RNFT2: variants seen among roughly 807,000 people sequenced by gnomAD.
RNFT2 encodes the protein E3 ubiquitin-protein ligase RNFT2.
RNFT2 carries 36 observed loss-of-function variants against 53.0 expected under a neutral mutation model. The observed-to-expected ratio is 0.68, with a 90% CI of 0.52 to 0.90. The LOEUF is 0.90. Ranked by LOEUF, RNFT2 falls within the 40% of genes least tolerant of loss-of-function variation. The probability of loss-of-function intolerance (pLI) is 0.00; values close to 1 mark genes in which losing one functional copy is unlikely to be tolerated. For missense variants in RNFT2, 514 were observed against 585.6 expected (o/e 0.88, Z 1.26); for synonymous variants, 260 against 253.2 (o/e 1.03, Z -0.26).
intron 4 of RNFT2, among the ~76,000 whole-genome samples, chr12:116,750,813 TA>T (rs1233022760): frequency 2.0e-4 from 1 of 5,094 alleles, no homozygotes; most frequent in Admixed American, 4.5e-3. Flanking sequence ...ATATATAATA[TA>T]TATATTATAT....
At position 116,779,207 on chromosome 12, in the gene RNFT2, G is replaced by A. The variant is rs199977367; in HGVS notation, c.741G>A (p.Leu247=). ...SQQLYNSLIF[L]KPNLEMLDFF... is the part of the protein sequence containing the mutation. ...ATCCTCCCCCCAGCCTCATATTCCT[G>A]AAGCCCAACCTGGAGATGCTGGACT... is the stretch of plus-strand genomic sequence containing the variant. The change falls in exon 7 of 11, where the codon CTG becomes CTA. Residue 247 remains leucine, a synonymous_variant. Transcript: ENST00000257575. 24 of 1,613,882 alleles carry A rather than the reference G, an allele frequency of 1.5e-5. No individual in the cohort carries two copies. In the East Asian group the frequency reaches 4.9e-4, roughly 33 times the overall value.
intron 7 of RNFT2, among the ~76,000 whole-genome samples, chr12:116,823,624 C>T (rs1876172646): frequency 6.6e-6 from 1 of 152,220 alleles, no homozygotes; most frequent in Non-Finnish European, 1.5e-5. Flanking sequence ...GCGGTGGTTG[C>T]AGTGAGCCGA....
chr12:116,814,620 A>G (rs1875550886), intron 7 of RNFT2, among the ~76,000 whole-genome samples: 3 of 152,122 alleles, frequency 2.0e-5, no homozygotes, highest in African/African-American at 7.2e-5. Flanking sequence ...TTCATGGGCA[A>G]GCACCCTTTG....
At chr12:116,780,510 C>T (rs777150392) in intron 7 of RNFT2, among the ~76,000 whole-genome samples, 1 of 152,054 alleles carries the variant, frequency 6.6e-6, no homozygotes, top group South Asian at 2.1e-4. Context: ...TCCTGCTGTG[C>T]GACCTGGTTC....
chr12:116,798,066 C>T (rs1267256425), intron 7 of RNFT2, among the ~76,000 whole-genome samples: 1 of 152,132 alleles, frequency 6.6e-6, no homozygotes, highest in Admixed American at 6.5e-5. Context: ...CGCCTGCTAC[C>T]TCACTAGGAC....
intron 7 of RNFT2, chr12:116,782,112 C>T: frequency 1.4e-5 from 1 of 71,050 alleles, no homozygotes; most frequent in East Asian, 3.9e-4. Flanking sequence ...ATCATGCCCA[C>T]TTCAGCAGCA....
At chr12:116,761,401 G>T (rs147966690) in intron 5 of RNFT2, among the ~76,000 whole-genome samples, 2,077 of 152,256 alleles carry the variant, frequency 0.014, 16 homozygotes, top group South Asian at 0.032. Flanking sequence ...GCACACCTTG[G>T]CCTCCAAAAG....
At chr12:116,800,685 G>A (rs1009520851) in intron 7 of RNFT2, among the ~76,000 whole-genome samples, 41 of 150,324 alleles carry the variant, frequency 2.7e-4, no homozygotes, top group African/African-American at 8.6e-4. Flanking sequence ...ACTGTGGTGC[G>A]TGCCTGTAAT....
At chr12:116,845,258 AAT>A (rs1555210658) in intron 10 of RNFT2, among the ~76,000 whole-genome samples, 38 of 122,544 alleles carry the variant, frequency 3.1e-4, no homozygotes, top group Admixed American at 7.7e-4. Context: ...AAAAAAAAAA[AAT>A]ATATATATAT....
intron 5 of RNFT2, among the ~76,000 whole-genome samples, chr12:116,757,949 G>T (rs1208960759): frequency 6.6e-6 from 1 of 152,144 alleles, no homozygotes; most frequent in East Asian, 1.9e-4. Flanking sequence ...TTACTATGTT[G>T]CTGTCAATCT....
At chr12:116,760,877 CT>C (rs1202551591) in intron 5 of RNFT2, among the ~76,000 whole-genome samples, 1 of 152,174 alleles carries the variant, frequency 6.6e-6, no homozygotes, top group Non-Finnish European at 1.5e-5. Context: ...AAAACCTCTT[CT>C]TTTATTTCAT....
intron 6 of RNFT2, among the ~76,000 whole-genome samples, chr12:116,777,637 C>T (rs1013358694): frequency 2.6e-5 from 4 of 152,158 alleles, no homozygotes; most frequent in Non-Finnish European, 5.9e-5. Context: ...GTTTCCTCAT[C>T]TGCAAAATGG....
intron 7 of RNFT2, among the ~76,000 whole-genome samples, chr12:116,792,939 G>C (rs538488204): frequency 6.6e-6 from 1 of 152,248 alleles, no homozygotes; most frequent in South Asian, 2.1e-4. Context: ...TGACGTGTGA[G>C]GTTGGGTGAG....
intron 7 of RNFT2, among the ~76,000 whole-genome samples, chr12:116,833,214 C>T (rs1255598596): frequency 6.6e-6 from 1 of 152,156 alleles, no homozygotes; most frequent in Non-Finnish European, 1.5e-5. Context: ...CCACCACACC[C>T]GGCCCCTGTT....
chr12:116,836,322 G>C (rs373867951), intron 10 of RNFT2, 40 bp downstream of exon 10: 10 of 1,511,302 alleles, frequency 6.6e-6, no homozygotes, highest in African/African-American at 5.5e-5. Flanking sequence ...GACCAAGGCT[G>C]GGGGAGAGTA....
At chr12:116,818,557 G>C (rs182057088) in intron 7 of RNFT2, among the ~76,000 whole-genome samples, 15 of 152,316 alleles carry the variant, frequency 9.8e-5, no homozygotes, top group Admixed American at 3.3e-4. Context: ...TGGCAAGTGA[G>C]TTGTGAAGCC....
intron 3 of RNFT2, among the ~76,000 whole-genome samples, chr12:116,747,675 G>A (rs1320804337): frequency 6.6e-6 from 1 of 152,122 alleles, no homozygotes; most frequent in Non-Finnish European, 1.5e-5. Context: ...GTGTGCCCTG[G>A]GTTGTGGGGT....
chr12:116,849,352 C>T lies in RNFT2; in HGVS notation c.1239C>T (p.Asp413=). 3 of 1,545,028 alleles carry T rather than the reference C, an allele frequency of 1.9e-6. No individual in the cohort carries two copies. The highest frequency in any genetic ancestry group is 2.6e-6 in the Non-Finnish European group (3 of 1,148,212). ...FCEECLCLWL[D]RERTCPLCRS... ...AGGAGTGCCTCTGCCTGTGGCTGGA[C>T]CGTGAGCGCACCTGCCCGCTCTGCC... The change falls in exon 11 of 11, where the codon GAC becomes GAT. Residue 413 remains aspartate, a synonymous_variant. Coordinates refer to ENST00000257575, the MANE Select transcript of RNFT2 (RefSeq NM_001382266.1).
chr12:116,785,318 G>A (rs1873891929), intron 7 of RNFT2, among the ~76,000 whole-genome samples: 1 of 133,530 alleles, frequency 7.5e-6, no homozygotes, highest in Non-Finnish European at 1.5e-5. Context: ...TTTGAGACAA[G>A]GTCTTGCTCT....
Sources: gnomAD v4.1 joint callset for allele counts (sites outside exome capture counted in the v4.1 genomes callset) on GRCh38, gnomAD v4.1.1 for gene constraint, MANE v1.5 for transcripts, NCBI Gene and HGNC (gene_info 2026-07-23, HGNC 2026-07-21) for gene names.